The following SH2D4B variants were observed in gnomAD, a reference collection of about 807,000 sequenced individuals.
The protein encoded by SH2D4B is SH2 domain-containing protein 4B.
Under a neutral mutation model 61.5 loss-of-function variants are expected in SH2D4B, and 45 were observed. The observed-to-expected ratio is 0.73, with a 90% confidence interval of 0.58 to 0.94. The LOEUF is 0.94. SH2D4B is among the 40% of genes least tolerant of loss of function. The pLI is 0.00. For missense variants in SH2D4B, 572 were observed against 574.2 expected, an observed-to-expected ratio of 1.00 and a Z score of 0.04; for synonymous variants, 224 against 220.4, an observed-to-expected ratio of 1.02 and a Z score of -0.14.
chr10:80,591,685 G>C (rs1842329668), intron 4 of SH2D4B, among the ~76,000 whole-genome samples: 1 of 152,018 alleles, frequency 6.6e-6, no homozygotes, highest in East Asian at 1.9e-4. Flanking sequence ...AATTTTAGTA[G>C]AGACAGGGTT....
intron 3 of SH2D4B, among the ~76,000 whole-genome samples, chr10:80,584,446 C>T (rs1842219568): frequency 6.6e-6 from 1 of 152,150 alleles, no homozygotes; most frequent in African/African-American, 2.4e-5. Flanking sequence ...ATTCAATATT[C>T]AGCTTCAAGA....
At chr10:80,583,813 CT>C (rs1842212925) in intron 3 of SH2D4B, among the ~76,000 whole-genome samples, 1 of 152,108 alleles carries the variant, frequency 6.6e-6, no homozygotes, top group Non-Finnish European at 1.5e-5. Context: ...CAAAGAAATG[CT>C]AAGCAAAGAT....
chr10:80,611,209 A>G (rs1842595133), intron 6 of SH2D4B, among the ~76,000 whole-genome samples: 2 of 143,878 alleles, frequency 1.4e-5, no homozygotes, highest in African/African-American at 5.1e-5. Flanking sequence ...AAAAACATTG[A>G]TGATCTCATG....
At chr10:80,625,136 T>G (rs1460479104) in intron 6 of SH2D4B, among the ~76,000 whole-genome samples, 1 of 152,266 alleles carries the variant, frequency 6.6e-6, no homozygotes, top group Non-Finnish European at 1.5e-5. Flanking sequence ...AGTGTATTTA[T>G]TTTTCAGTTA....
chr10:80,558,368 G>C (rs1043905794), intron 1 of SH2D4B, among the ~76,000 whole-genome samples: 1 of 152,038 alleles, frequency 6.6e-6, no homozygotes, highest in Non-Finnish European at 1.5e-5. Context: ...AAGCTGTTTA[G>C]ATCTTCTATA....
At position 80,549,202 on chromosome 10, in the gene SH2D4B, ATTGTGTGTGTG is replaced by A. The variant is rs1160222643; in HGVS notation, c.184+10689_184+10699del. Among the ~76,000 whole-genome samples the A allele has an allele frequency of 6.4e-3, 519 of 80,644 alleles. 16 individuals are homozygous for A. The South Asian group carries it at 0.16, about 24-fold the overall frequency. 52.9% of individuals were successfully genotyped at this position (80,644 alleles called of 152,430 possible). ...TCTCCGAGAGCTGTGATGGGACTTG[ATTGTGTGTGTG>A]TGTGTGTGTGTGTGTGTGTGTGTGT... On this transcript the variant is annotated intron_variant, in intron 1 of 7. Coordinates refer to ENST00000646907, the MANE Select transcript of SH2D4B (RefSeq NM_001388272.1).
intron 4 of SH2D4B, among the ~76,000 whole-genome samples, chr10:80,589,175 C>T (rs1393973891): frequency 2.6e-5 from 4 of 151,674 alleles, no homozygotes; most frequent in Admixed American, 6.6e-5. Flanking sequence ...AGCTAATTTT[C>T]GTATTTTTAG....
intron 1 of SH2D4B, among the ~76,000 whole-genome samples, chr10:80,565,677 C>A (rs1380343789): frequency 6.6e-6 from 1 of 152,198 alleles, no homozygotes; most frequent in Non-Finnish European, 1.5e-5. Flanking sequence ...GATCCCTTCC[C>A]TTCTATCTTT....
intron 6 of SH2D4B, among the ~76,000 whole-genome samples, chr10:80,632,404 C>T (rs985125626): frequency 2.0e-5 from 3 of 152,024 alleles, no homozygotes; most frequent in Non-Finnish European, 4.4e-5. Context: ...TTTTATTCAT[C>T]AATGAAAAAG....
chr10:80,597,047 T>G (rs986106183), intron 4 of SH2D4B, among the ~76,000 whole-genome samples: 1 of 152,202 alleles, frequency 6.6e-6, no homozygotes, highest in African/African-American at 2.4e-5. Flanking sequence ...TCATATTGTA[T>G]TAAGTATGAT....
At chr10:80,550,585 T>G (rs1455109766) in intron 1 of SH2D4B, among the ~76,000 whole-genome samples, 6 of 151,750 alleles carry the variant, frequency 4.0e-5, no homozygotes, top group Non-Finnish European at 7.4e-5. Context: ...CAGAGTGAGA[T>G]TCCGTCTCAA....
intron 1 of SH2D4B, among the ~76,000 whole-genome samples, chr10:80,559,637 A>ATT (rs773552620): frequency 0.026 from 3,350 of 129,934 alleles, 48 homozygotes; most frequent in Middle Eastern, 0.051. Context: ...GTGGTCCTGC[A>ATT]TTTTTTTTTT....
intron 4 of SH2D4B, among the ~76,000 whole-genome samples, chr10:80,589,036 C>T (rs1208914473): frequency 6.6e-6 from 1 of 150,504 alleles, no homozygotes; most frequent in African/African-American, 2.5e-5. Context: ...CGAAGTCTTG[C>T]TCTGTCGCCT....
At chr10:80,551,511 C>T (rs751589136) in intron 1 of SH2D4B, among the ~76,000 whole-genome samples, 1 of 151,864 alleles carries the variant, frequency 6.6e-6, no homozygotes, top group East Asian at 1.9e-4. Context: ...TAGCAAAAGA[C>T]AAACAACCAA....
Position 80,538,917 on chromosome 10 carries a change from T to C in SH2D4B, c.184+402T>C, listed in dbSNP as rs1841542676. Among the ~76,000 whole-genome samples, 1 of 151,796 alleles carries C rather than the reference T, an allele frequency of 6.6e-6. No homozygotes were observed. The highest frequency in any genetic ancestry group is 2.1e-4 in the South Asian group (1 of 4,804). ...GCCAGAGTGTGGTGTAGATATGCAG[T>C]TCCTTTCTCCTTGGCATGCGTGGCA... is the stretch of plus-strand genomic sequence containing the variant. On this transcript the variant is annotated intron_variant, in intron 1 of 7. Coordinates refer to ENST00000646907, the MANE Select transcript of SH2D4B (RefSeq NM_001388272.1). This position sits in a 1 kb window ranked among gnomAD's most constrained non-coding sequence, Gnocchi z 4.8.
chr10:80,612,817 A>G (rs1564784042), intron 6 of SH2D4B, among the ~76,000 whole-genome samples: 1 of 152,214 alleles, frequency 6.6e-6, no homozygotes, highest in East Asian at 1.9e-4. Context: ...CCTTTCCTCA[A>G]ACACATGTGG....
chr10:80,570,385 A>C (rs1008693552), intron 2 of SH2D4B, 69 bp downstream of exon 2: 3 of 1,544,050 alleles, frequency 1.9e-6, no homozygotes, highest in East Asian at 4.5e-5. Context: ...ACGCACGGCT[A>C]ATTTTTGTAT....
chr10:80,560,001 T>G (rs1298631643), intron 1 of SH2D4B, among the ~76,000 whole-genome samples: 2 of 149,186 alleles, frequency 1.3e-5, no homozygotes, highest in African/African-American at 2.5e-5. Context: ...TTTTTTTTTT[T>G]TTTTGAGACG....
intron 5 of SH2D4B, 143 bp from the exon 6 acceptor site, chr10:80,609,281 C>G: frequency 1.2e-5 from 8 of 643,040 alleles, no homozygotes; most frequent in African/African-American, 1.9e-5. Context: ...TCATGGCCCT[C>G]CCCTGCCCCT....
Sources: allele counts gnomAD v4.1 joint callset (sites outside exome capture counted in the v4.1 genomes callset), GRCh38; gene constraint gnomAD v4.1.1; non-coding constraint Gnocchi (gnomAD v3.1); transcripts MANE v1.5; gene names NCBI Gene and HGNC (gene_info 2026-07-23, HGNC 2026-07-21).